Variants in PRSS41 observed in about 807,000 individuals in gnomAD.
PRSS41 encodes protease, serine 41.
Under a neutral mutation model 28.8 loss-of-function variants are expected in PRSS41, and 37 were observed. That is an observed-to-expected ratio of 1.29 (90% CI 0.99 to 1.69). The LOEUF is 1.69. PRSS41 is among the 40% of genes most tolerant of loss of function. The pLI is 0.00. For synonymous variants in PRSS41, 195 were observed against 163.1 expected, an observed-to-expected ratio of 1.20 and a Z score of -1.49; for missense variants, 431 against 400.7, an observed-to-expected ratio of 1.08 and a Z score of -0.65.
chr16:2,801,139 G>A (rs1312037329), intron 4 of PRSS41, among the ~76,000 whole-genome samples: 4 of 152,194 alleles, frequency 2.6e-5, no homozygotes, highest in South Asian at 2.1e-4. Context: ...GTGCCCAGCC[G>A]TTTTATCAAT....
intron 4 of PRSS41, among the ~76,000 whole-genome samples, chr16:2,800,908 T>C (rs1370533167): frequency 6.6e-6 from 1 of 152,236 alleles, no homozygotes; most frequent in East Asian, 1.9e-4. Context: ...TATATCCTTT[T>C]TCTATGAGCT....
At chr16:2,802,362 A>G (rs1596309879) in intron 4 of PRSS41, among the ~76,000 whole-genome samples, 7 of 127,124 alleles carry the variant, frequency 5.5e-5, no homozygotes, top group African/African-American at 1.5e-4. Context: ...CCTAGATGGG[A>G]TGGCGGCCGG....
chr16:2,798,650 G>A (rs1230204087), exon 2 of PRSS41: 1 of 1,488,810 alleles, frequency 6.7e-7, no homozygotes, highest in South Asian at 1.3e-5. Context: ...GCAGGAGGAG[G>A]AGCTGTTGTC....
rs778625757 is a variant in PRSS41 at position 2,798,924 on chromosome 16, C to G, written c.92-35C>G. On this transcript the variant is annotated intron_variant, in intron 2 of 5. Transcript: ENST00000399677. ...GGCGGGCCTGCCCACCCCACCCCAC[C>G]CGGCAGCTCAGCCGCGTCCGTCTGT... is the stretch of plus-strand genomic sequence containing the variant. 1.3e-4 allele frequency: 200 copies of G among 1,513,888 alleles called. No homozygotes were observed. In the African/African-American group the frequency reaches 2.5e-3, roughly 19 times the overall value. 93.8% of individuals were successfully genotyped at this position (1,513,888 alleles called of 1,614,324 possible). A position where few individuals can be genotyped will look rare whatever the true frequency, so the allele number is the denominator to read the frequency against.
At chr16:2,805,024 C>T in exon 6 of PRSS41, 1 of 1,563,974 alleles carries the variant, frequency 6.4e-7, no homozygotes, top group Non-Finnish European at 8.7e-7. Context: ...GTGTCTACAC[C>T]AACATCAGTG....
exon 5 of PRSS41, chr16:2,804,540 C>T (rs548183858): frequency 1.0e-5 from 16 of 1,550,658 alleles, no homozygotes; most frequent in Non-Finnish European, 1.4e-5. Context: ...GTGTAGACAC[C>T]TGCAAAGTGA....
At chr16:2,800,404 G>T (rs891559820) in intron 4 of PRSS41, among the ~76,000 whole-genome samples, 1 of 152,026 alleles carries the variant, frequency 6.6e-6, no homozygotes. Flanking sequence ...AGCTGGGTGT[G>T]GGGGCGGGTG....
In PRSS41 at chr16:2,799,139, C is replaced by T. The variant is rs2068968459; in HGVS notation, c.257+15C>T. 2.7e-6 allele frequency: 4 copies of T among 1,507,876 alleles called. No homozygotes were observed. Among genetic ancestry groups the T allele is most frequent in the African/African-American group, 1.4e-5 (1 of 72,004 alleles). 93.4% of individuals were successfully genotyped at this position (1,507,876 alleles called of 1,614,324 possible). ...TGCTTCCAAAAGTGAGTCTGGGGGG[C>T]GGCCGGGGCCTCAGACTTGCTAATG... On this transcript the variant is annotated intron_variant, in intron 3 of 5. Transcript: ENST00000399677.
chr16:2,799,778 T>C (rs2068975022), intron 4 of PRSS41, among the ~76,000 whole-genome samples: 1 of 152,208 alleles, frequency 6.6e-6, no homozygotes, highest in Non-Finnish European at 1.5e-5. Context: ...TCTTCCCCCT[T>C]CCAGGGACTG....
chr16:2,800,105 T>A (rs1487456327), intron 4 of PRSS41, among the ~76,000 whole-genome samples: 1 of 152,230 alleles, frequency 6.6e-6, no homozygotes, highest in Non-Finnish European at 1.5e-5. Flanking sequence ...ACACCCAGAC[T>A]GTGTGGTCTA....
intron 5 of PRSS41, 129 bp from the exon 6 acceptor site, chr16:2,804,785 G>T (rs945029858): frequency 1.2e-6 from 1 of 858,022 alleles, no homozygotes; most frequent in Non-Finnish European, 1.8e-6. Flanking sequence ...TAGAAACTGA[G>T]ACTTGATTCC....
At position 2,801,050 on chromosome 16, in the gene PRSS41, G is replaced by T. The variant is rs144352336; in HGVS notation, c.541+1481G>T. 5.3e-3 allele frequency among the ~76,000 whole-genome samples: 801 copies of T among 152,236 alleles called. 5 individuals are homozygous for T. Among genetic ancestry groups the T allele is most frequent in the African/African-American group, 0.018 (761 of 41,542 alleles). ...TAAGGGGTTTCACTATGTTGGCTAG[G>T]CTGGTCTCGAACTCCTGACCTCAGG... On this transcript the variant is annotated intron_variant, in intron 4 of 5. Transcript: ENST00000399677.
intron 4 of PRSS41, among the ~76,000 whole-genome samples, chr16:2,803,267 T>G (rs1449991492): frequency 1.3e-5 from 2 of 152,256 alleles, no homozygotes; most frequent in Non-Finnish European, 2.9e-5. Flanking sequence ...TTTCCTCATT[T>G]TTGTTTAACT....
At chr16:2,803,680 TTC>T (rs1191678107) in intron 4 of PRSS41, among the ~76,000 whole-genome samples, 4 of 152,244 alleles carry the variant, frequency 2.6e-5, no homozygotes, top group African/African-American at 9.6e-5. Context: ...CTCTCTAGTG[TTC>T]TTTCATTTTA....
chr16:2,802,372 G>A (rs1229368820), intron 4 of PRSS41, among the ~76,000 whole-genome samples: 1 of 151,302 alleles, frequency 6.6e-6, no homozygotes, highest in South Asian at 2.1e-4. Context: ...ATGGCGGCCG[G>A]GCGGAGACGC....
At chr16:2,802,737 G>A (rs1273165441) in intron 4 of PRSS41, among the ~76,000 whole-genome samples, 3 of 152,226 alleles carry the variant, frequency 2.0e-5, no homozygotes, top group Non-Finnish European at 2.9e-5. Context: ...CAGGCATGGC[G>A]GCGCATGCCT....
At chr16:2,800,294 A>G (rs916796230) in intron 4 of PRSS41, among the ~76,000 whole-genome samples, 7 of 152,280 alleles carry the variant, frequency 4.6e-5, no homozygotes, top group African/African-American at 1.7e-4. Context: ...TAATCCCAGC[A>G]CTTTGGGAGG....
intron 4 of PRSS41, among the ~76,000 whole-genome samples, 157 bp downstream of exon 4, chr16:2,799,726 G>T (rs569210760): frequency 6.6e-6 from 1 of 152,210 alleles, no homozygotes; most frequent in African/African-American, 2.4e-5. Context: ...TTGCTTTTCT[G>T]CTCTCACTGC....
intron 4 of PRSS41, among the ~76,000 whole-genome samples, chr16:2,802,948 G>A (rs1053464219): frequency 6.6e-6 from 1 of 152,218 alleles, no homozygotes; most frequent in Non-Finnish European, 1.5e-5. Flanking sequence ...GTCTGATAGA[G>A]TATAGTAACC....
Sources: gnomAD v4.1 joint callset for allele counts (sites outside exome capture counted in the v4.1 genomes callset) on GRCh38, gnomAD v4.1.1 for gene constraint, MANE v1.5 for transcripts, NCBI Gene and HGNC (gene_info 2026-07-23, HGNC 2026-07-21) for gene names.